Variants in TPRG1 observed in about 807,000 individuals in gnomAD.
The protein encoded by TPRG1 is tumor protein p63 regulated 1, also known as tumor protein p63-regulated gene 1 protein.
A neutral mutation model predicts 29.3 loss-of-function variants in TPRG1; 29 were observed. The observed-to-expected ratio is 0.99, with a 90% CI of 0.74 to 1.35. TPRG1 has a LOEUF of 1.35. TPRG1 is among the 40% of genes most tolerant of loss of function. The probability of loss-of-function intolerance (pLI) is 0.00; values close to 1 mark genes in which losing one functional copy is unlikely to be tolerated. For missense variants in TPRG1, 327 were observed against 335.0 expected, an observed-to-expected ratio of 0.98 and a Z score of 0.19; for synonymous variants, 130 against 116.8, an observed-to-expected ratio of 1.11 and a Z score of -0.73.
intron 4 of TPRG1, among the ~76,000 whole-genome samples, chr3:189,281,487 A>G (rs1717117104): frequency 6.6e-6 from 1 of 152,186 alleles, no homozygotes; most frequent in Non-Finnish European, 1.5e-5. Context: ...TTGTTTAAAA[A>G]TGTCATTTAT....
intron 4 of TPRG1, among the ~76,000 whole-genome samples, chr3:189,274,938 G>T (rs1163542894): frequency 1.2e-4 from 9 of 73,474 alleles, no homozygotes; most frequent in Admixed American, 8.3e-4. Flanking sequence ...TGTAATGAGT[G>T]TGTGTGTGTG....
At chr3:189,142,926 C>G (rs1042884152) in intron 3 of TPRG1, among the ~76,000 whole-genome samples, 1 of 152,160 alleles carries the variant, frequency 6.6e-6, no homozygotes, top group African/African-American at 2.4e-5. Context: ...TAAAAACTTT[C>G]ACCTTTAATG....
intron 5 of TPRG1, among the ~76,000 whole-genome samples, chr3:189,311,016 A>G (rs1722398644): frequency 1.3e-5 from 2 of 152,218 alleles, no homozygotes; most frequent in African/African-American, 4.8e-5. Flanking sequence ...ATAAGGTTAA[A>G]TAGAATGATG....
chr3:189,266,684 G>A (rs1714151324), intron 4 of TPRG1, among the ~76,000 whole-genome samples: 1 of 152,150 alleles, frequency 6.6e-6, no homozygotes, highest in Admixed American at 6.5e-5. Flanking sequence ...ATACAAAACA[G>A]TGACCTTAAA....
intron 4 of TPRG1, among the ~76,000 whole-genome samples, chr3:189,071,262 G>T (rs1716797377): frequency 6.6e-6 from 1 of 152,090 alleles, no homozygotes; most frequent in African/African-American, 2.4e-5. Flanking sequence ...GGAACTTAAA[G>T]CTAACCCTAA....
At chr3:189,246,728 T>A (rs1741434876) in intron 4 of TPRG1, among the ~76,000 whole-genome samples, 1 of 152,182 alleles carries the variant, frequency 6.6e-6, no homozygotes, top group South Asian at 2.1e-4. Context: ...TTATTTAGTC[T>A]TAATTCTTGA....
chr3:189,224,246 G>A (rs1181839707), intron 3 of TPRG1, among the ~76,000 whole-genome samples: 1 of 152,204 alleles, frequency 6.6e-6, no homozygotes, highest in East Asian at 1.9e-4. Context: ...ACTTTGGGAG[G>A]CGAAAGCGGG....
chr3:189,078,059 CCTTT>C (rs1157279692), intron 4 of TPRG1, among the ~76,000 whole-genome samples: 12 of 141,588 alleles, frequency 8.5e-5, no homozygotes, highest in East Asian at 8.1e-4. Flanking sequence ...TTCCTTCCTT[CCTTT>C]CTCTCCTTTC....
At chr3:189,087,351 G>A (rs1718019041) in intron 4 of TPRG1, among the ~76,000 whole-genome samples, 1 of 152,126 alleles carries the variant, frequency 6.6e-6, no homozygotes, top group African/African-American at 2.4e-5. Flanking sequence ...TTTTGATGGG[G>A]TCGTTAGTTT....
intron 3 of TPRG1, among the ~76,000 whole-genome samples, chr3:189,144,702 T>C (rs1161395335): frequency 7.2e-6 from 1 of 137,972 alleles, no homozygotes; most frequent in Non-Finnish European, 1.6e-5. Flanking sequence ...CATGGGTATT[T>C]TGAAGAAAAG....
chr3:189,189,734 C>A (rs957482867), intron 1 of TPRG1, among the ~76,000 whole-genome samples: 1 of 152,200 alleles, frequency 6.6e-6, no homozygotes, highest in African/African-American at 2.4e-5. Context: ...GCACATGAGG[C>A]CTCTCCTAAA....
intron 1 of TPRG1, among the ~76,000 whole-genome samples, chr3:189,124,517 A>T (rs767201089): frequency 7.4e-5 from 11 of 149,424 alleles, no homozygotes; most frequent in South Asian, 2.1e-4. Flanking sequence ...ATATTATGAC[A>T]TTTTTTTTAA....
At chr3:189,072,083 A>G (rs1430870284) in intron 4 of TPRG1, among the ~76,000 whole-genome samples, 1 of 152,190 alleles carries the variant, frequency 6.6e-6, no homozygotes, top group Non-Finnish European at 1.5e-5. Flanking sequence ...ATGATGGAGA[A>G]AAAAAGGAAC....
At position 189,086,503 on chromosome 3, in the gene TPRG1, G is replaced by T. The variant is rs140689653; in HGVS notation, c.-462-40554G>T. On this transcript the variant is annotated intron_variant, in intron 4 of 10. Transcript: ENST00000433971. ...CCTCCCCAAAATTCTGGGACTGCAGGCATGTGCCACCACACCCAGCTAATT... is the reference window on the plus strand; with the variant it reads ...CCTCCCCAAAATTCTGGGACTGCAGTCATGTGCCACCACACCCAGCTAATT... Among the ~76,000 whole-genome samples the T allele has an allele frequency of 7.1e-3, 1,072 of 151,714 alleles. 11 individuals are homozygous for T. The highest frequency in any genetic ancestry group is 0.025 in the African/African-American group (1,040 of 41,356).
chr3:189,201,080 C>A (rs567080133), intron 1 of TPRG1, among the ~76,000 whole-genome samples: 78 of 152,182 alleles, frequency 5.1e-4, no homozygotes, highest in Admixed American at 9.2e-4. Flanking sequence ...AAAGCAGAGA[C>A]CCGCACCAGA....
intron 2 of TPRG1, among the ~76,000 whole-genome samples, chr3:189,213,296 T>C (rs1735559341): frequency 6.6e-6 from 1 of 152,212 alleles, no homozygotes; most frequent in Non-Finnish European, 1.5e-5. Context: ...TGGTGTATAA[T>C]GGATCCTCAT....
chr3:189,219,691 A>C, intron 3 of TPRG1: 1 of 1,277,044 alleles, frequency 7.8e-7, no homozygotes. Flanking sequence ...TTTGTCTACA[A>C]TGGTTAAAGA....
At chr3:189,249,994 C>A (rs779893440) in intron 4 of TPRG1, among the ~76,000 whole-genome samples, 6 of 152,120 alleles carry the variant, frequency 3.9e-5, no homozygotes, top group Non-Finnish European at 7.4e-5. Flanking sequence ...TTGTATCATT[C>A]CCATAAAATC....
Position 189,229,237 on chromosome 3 carries a change from A to T in TPRG1, c.303-9496A>T, listed in dbSNP as rs568582356. Among the ~76,000 whole-genome samples the T allele has an allele frequency of 7.9e-5, 12 of 152,352 alleles. No homozygotes were observed. In the East Asian group the frequency reaches 2.3e-3, roughly 29 times the overall value. ...TCAAACGCAATTCCTATCAAAATCT[A>T]AGCAAGATATTTTTGTAGGTATAGA... is the stretch of plus-strand genomic sequence containing the variant. On this transcript the variant is annotated intron_variant, in intron 3 of 5. Coordinates refer to ENST00000345063, the MANE Select transcript of TPRG1 (RefSeq NM_198485.4).
Sources: allele counts gnomAD v4.1 joint callset (sites outside exome capture counted in the v4.1 genomes callset), GRCh38; gene constraint gnomAD v4.1.1; transcripts MANE v1.5; gene names NCBI Gene and HGNC (gene_info 2026-07-23, HGNC 2026-07-21).